PRDM5: variants seen among roughly 807,000 people sequenced by gnomAD.
The protein encoded by PRDM5 is PR domain zinc finger protein 5.
In PRDM5, 56 loss-of-function variants were observed where a neutral mutation model predicts 81.2. That is an observed-to-expected ratio of 0.69 (90% CI 0.56 to 0.86). PRDM5 has a LOEUF of 0.86. PRDM5 is among the 40% of genes least tolerant of loss of function. The pLI, the probability that PRDM5 is intolerant of heterozygous loss-of-function variation, is 0.00. For missense variants in PRDM5, 697 were observed against 770.1 expected (o/e 0.91, Z 1.12); for synonymous variants, 267 against 256.4 (o/e 1.04, Z -0.39).
At chr4:120,885,152 A>AAG (rs1763290345) in intron 2 of PRDM5, among the ~76,000 whole-genome samples, 2 of 137,628 alleles carry the variant, frequency 1.5e-5, no homozygotes, top group East Asian at 2.1e-4. Flanking sequence ...AAAAAAAAAA[A>AAG]AAAAGTAAAA....
chr4:120,741,319 A>G (rs1051674675), intron 14 of PRDM5, among the ~76,000 whole-genome samples: 2 of 152,074 alleles, frequency 1.3e-5, no homozygotes, highest in African/African-American at 4.8e-5. Flanking sequence ...TAATTCAAAT[A>G]GAATGAACCT....
intron 14 of PRDM5, among the ~76,000 whole-genome samples, chr4:120,728,321 A>G (rs1739747222): frequency 6.6e-6 from 1 of 152,130 alleles, no homozygotes; most frequent in Non-Finnish European, 1.5e-5. Flanking sequence ...ATAAATAAAT[A>G]GCATTTGGTG....
In PRDM5 at chr4:120,695,153, G is replaced by A. The variant is rs767571327; in HGVS notation, c.1851C>T (p.Leu617=). 2.9e-5 allele frequency: 47 copies of A among 1,613,306 alleles called. No homozygotes were observed. The highest frequency in any genetic ancestry group is 6.7e-5 in the Admixed American group (4 of 59,952). ...CHKKFTRNDY[L]KVHMDNIHGV... Reference sequence around the variant, plus strand: ...CATGGATATTGTCCATGTGCACTTTGAGGTAGTCATTCCTTGTAAACTTCT... The same window carrying A: ...CATGGATATTGTCCATGTGCACTTTAAGGTAGTCATTCCTTGTAAACTTCT... Residue 617 remains leucine (L), a synonymous_variant, in exon 16 of 16, where the codon CTC becomes CTT. Coordinates refer to ENST00000264808, the MANE Select transcript of PRDM5 (RefSeq NM_018699.4).
chr4:120,733,848 G>A (rs1740628918), intron 14 of PRDM5, among the ~76,000 whole-genome samples: 1 of 147,466 alleles, frequency 6.8e-6, no homozygotes, highest in South Asian at 2.1e-4. Flanking sequence ...CGTGAACTAA[G>A]CTCTAAGAAA....
At chr4:120,784,836 C>T (rs993258261) in intron 11 of PRDM5, among the ~76,000 whole-genome samples, 162 bp downstream of exon 11, 6 of 151,158 alleles carry the variant, frequency 4.0e-5, no homozygotes, top group East Asian at 1.9e-4. Flanking sequence ...AAATATAAAG[C>T]GAAAAAAAGT....
downstream of PRDM5, among the ~76,000 whole-genome samples, chr4:120,688,783 T>TA (rs1733930692): frequency 6.6e-6 from 1 of 152,156 alleles, no homozygotes; most frequent in African/African-American, 2.4e-5. Flanking sequence ...GCTGTATACA[T>TA]GAAGGTTTAC....
chr4:120,901,645 G>A (rs570215411), intron 2 of PRDM5, among the ~76,000 whole-genome samples: 3 of 152,324 alleles, frequency 2.0e-5, no homozygotes. Context: ...TCCTTGTGTT[G>A]AGATAAATAC....
chr4:120,721,130 T>C (rs980933111), intron 14 of PRDM5, among the ~76,000 whole-genome samples: 1 of 152,208 alleles, frequency 6.6e-6, no homozygotes, highest in Admixed American at 6.5e-5. Flanking sequence ...GCATAAAGCA[T>C]GCAAAGAATC....
chr4:120,692,931 T>C lies in PRDM5; in HGVS notation c.*2180A>G, dbSNP rs147535550. 1.4e-4 allele frequency: 21 copies of C among 152,236 alleles called. No individual in the cohort carries two copies. The highest frequency in any genetic ancestry group is 4.3e-4 in the African/African-American group (18 of 41,562). 9.4% of individuals were successfully genotyped at this position (152,236 alleles called of 1,614,324 possible). A position where few individuals can be genotyped will look rare whatever the true frequency, so the allele number is the denominator to read the frequency against. ...ATGCTAATATATCTGAAACTACCCA[T>C]GAATACTTGTCTTTTGGATAAAAAT... On this transcript the variant is annotated 3_prime_UTR_variant, in exon 16 of 16. Transcript: ENST00000264808.
At chr4:120,710,670 A>G (rs1416208635) in intron 14 of PRDM5, among the ~76,000 whole-genome samples, 2 of 152,118 alleles carry the variant, frequency 1.3e-5, no homozygotes, top group African/African-American at 4.8e-5. Flanking sequence ...CATGATAGTG[A>G]GTGAATTCTC....
At chr4:120,897,411 G>A (rs1014077063) in intron 2 of PRDM5, among the ~76,000 whole-genome samples, 8 of 151,872 alleles carry the variant, frequency 5.3e-5, no homozygotes, top group African/African-American at 1.9e-4. Flanking sequence ...CTTGGTTTAA[G>A]TAGTTTTACT....
At chr4:120,870,445 C>T (rs1262426727) in intron 2 of PRDM5, among the ~76,000 whole-genome samples, 1 of 151,978 alleles carries the variant, frequency 6.6e-6, no homozygotes, top group East Asian at 1.9e-4. Flanking sequence ...AAAGAGCTCA[C>T]AGTCTAGTGG....
chr4:120,684,714 C>T (rs1733773026), downstream of PRDM5, among the ~76,000 whole-genome samples: 1 of 151,900 alleles, frequency 6.6e-6, no homozygotes, highest in African/African-American at 2.4e-5. Context: ...TATTTCACTA[C>T]TGTTCTTTTG....
chr4:120,811,575 G>T, intron 7 of PRDM5, 126 bp from the exon 8 acceptor site: 1 of 552,136 alleles, frequency 1.8e-6, no homozygotes. Context: ...CAGTGTTGTA[G>T]ATATATTCAT....
chr4:120,758,912 C>T (rs553594421), intron 13 of PRDM5, among the ~76,000 whole-genome samples: 69 of 152,034 alleles, frequency 4.5e-4, no homozygotes, highest in East Asian at 1.9e-4. Flanking sequence ...CCCGCCACCA[C>T]GCCTGGCTAA....
chr4:120,863,209 C>T (rs1352871492), intron 2 of PRDM5, among the ~76,000 whole-genome samples: 14 of 139,710 alleles, frequency 1.0e-4, no homozygotes, highest in African/African-American at 3.6e-4. Context: ...CACACACACA[C>T]ACACACACAC....
intron 1 of PRDM5, among the ~76,000 whole-genome samples, chr4:120,912,361 A>C (rs774955992): frequency 5.3e-5 from 8 of 152,144 alleles, no homozygotes; most frequent in Admixed American, 2.6e-4. Context: ...AAATATTTAT[A>C]TCTAACTTCC....
At chr4:120,791,844 CCGTTATCAAAAGA>C (rs1750621863) in intron 10 of PRDM5, among the ~76,000 whole-genome samples, 1 of 152,156 alleles carries the variant, frequency 6.6e-6, no homozygotes, top group Non-Finnish European at 1.5e-5. Context: ...TGGATTAGTG[CCGTTATCAAAAGA>C]GATAGGAGAG....
At chr4:120,716,865 C>T (rs1315425903) in intron 14 of PRDM5, among the ~76,000 whole-genome samples, 5 of 152,062 alleles carry the variant, frequency 3.3e-5, no homozygotes, top group Non-Finnish European at 5.9e-5. Flanking sequence ...AGAAAATAAA[C>T]GCATTTTCTT....
Sources: allele counts gnomAD v4.1 joint callset (sites outside exome capture counted in the v4.1 genomes callset), GRCh38; gene constraint gnomAD v4.1.1; transcripts MANE v1.5; gene names NCBI Gene and HGNC (gene_info 2026-07-23, HGNC 2026-07-21).